BMS1: variants seen among roughly 807,000 people sequenced by gnomAD.
BMS1 encodes the protein ribosome biogenesis protein BMS1 homolog.
BMS1 carries 53 observed loss-of-function variants against 138.7 expected under a neutral mutation model. The ratio of observed to expected loss-of-function variants is 0.38; its 90% confidence interval spans 0.31 to 0.48. The LOEUF (loss-of-function observed/expected upper bound fraction) is 0.48, where lower values mean the gene tolerates loss of function less well. Among genes scored for constraint, BMS1 ranks in the 20% least tolerant of loss-of-function variants. The pLI, the probability that BMS1 is intolerant of heterozygous loss-of-function variation, is 0.97. For missense variants in BMS1, 1,360 were observed against 1,565.5 expected, an observed-to-expected ratio of 0.87 and a Z score of 2.22; for synonymous variants, 504 against 539.9, an observed-to-expected ratio of 0.93 and a Z score of 0.92.
chr10:42,824,210 C>G (rs1291265012), intron 21 of BMS1, among the ~76,000 whole-genome samples: 1 of 152,120 alleles, frequency 6.6e-6, no homozygotes, highest in Admixed American at 6.5e-5. Context: ...AACTATAGCC[C>G]TCATGATATA....
intron 9 of BMS1, 110 bp from the exon 10 acceptor site, chr10:42,796,364 A>C (rs577270290): frequency 1.6e-6 from 2 of 1,264,716 alleles, no homozygotes; most frequent in East Asian, 5.1e-5. Flanking sequence ...CATCTTAAAC[A>C]ATTCCTTGAC....
chr10:42,830,644 G>T (rs570201162), intron 22 of BMS1, among the ~76,000 whole-genome samples: 2 of 152,094 alleles, frequency 1.3e-5, no homozygotes, highest in Admixed American at 1.3e-4. Context: ...TTCTGTCTCG[G>T]TTAGCTGCAC....
At chr10:42,808,270 TTTTATTTATTTA>T (rs139357355) in intron 13 of BMS1, among the ~76,000 whole-genome samples, 1 of 147,690 alleles carries the variant, frequency 6.8e-6, no homozygotes, top group Admixed American at 6.7e-5. Context: ...AGTTTTTATT[TTTTATTTATTTA>T]TTTATTTATT....
chr10:42,788,412 T>A (rs1195870207), intron 4 of BMS1, among the ~76,000 whole-genome samples: 1 of 152,188 alleles, frequency 6.6e-6, no homozygotes, highest in Non-Finnish European at 1.5e-5. Context: ...ACATGTGGTA[T>A]TTTGACAGAA....
intron 12 of BMS1, among the ~76,000 whole-genome samples, chr10:42,799,917 A>AC (rs1383455297): frequency 6.6e-6 from 1 of 152,102 alleles, no homozygotes; most frequent in Middle Eastern, 3.2e-3. Context: ...TTCTTTGGTT[A>AC]CATTTTATTT....
At chr10:42,814,811 G>A (rs538838537) in intron 13 of BMS1, among the ~76,000 whole-genome samples, 49 of 152,308 alleles carry the variant, frequency 3.2e-4, no homozygotes, top group Non-Finnish European at 5.7e-4. Context: ...AGCTAGGTGG[G>A]TGGGGAGTGG....
chr10:42,810,210 T>C (rs1236761974), intron 13 of BMS1, among the ~76,000 whole-genome samples: 1 of 152,178 alleles, frequency 6.6e-6, no homozygotes, highest in Non-Finnish European at 1.5e-5. Flanking sequence ...GTTTTTTTGT[T>C]TTGTTTTTTC....
chr10:42,794,707 C>G (rs183641991), intron 9 of BMS1, among the ~76,000 whole-genome samples: 1 of 151,656 alleles, frequency 6.6e-6, no homozygotes, highest in South Asian at 2.1e-4. Context: ...AGAATACTCT[C>G]CTCTAATATA....
rs928161814 is a variant in BMS1 at position 42,796,990 on chromosome 10, C to T, written c.1746C>T (p.Cys582=). 6.2e-7 allele frequency: 1 copy of T among 1,614,186 alleles called. No individual in the cohort carries two copies. Among genetic ancestry groups the T allele is most frequent in the Non-Finnish European group, 8.5e-7 (1 of 1,180,036 alleles). Residue 582 remains cysteine (C), a synonymous_variant, in exon 10 of 23, where the codon TGC becomes TGT. Transcript: ENST00000374518. ...AALPTFDSGH[C]TAEEVFASED... ...TCCCCACTTTCGATTCTGGGCATTG[C>T]ACAGCTGAAGAGGTGTTTGCATCTG...
intron 13 of BMS1, among the ~76,000 whole-genome samples, chr10:42,807,885 G>A (rs1842057151): frequency 6.6e-6 from 1 of 152,092 alleles, no homozygotes; most frequent in African/African-American, 2.4e-5. Context: ...AGAGTAGTTG[G>A]GCCATTTGAT....
chr10:42,806,378 A>T (rs1448979520), intron 13 of BMS1, among the ~76,000 whole-genome samples: 1 of 152,180 alleles, frequency 6.6e-6, no homozygotes, highest in Non-Finnish European at 1.5e-5. Context: ...GACAGTGTGG[A>T]TTAGAAGTCA....
chr10:42,793,166 T>C (rs1200335910), intron 8 of BMS1, 22 bp downstream of exon 8: 2 of 1,569,596 alleles, frequency 1.3e-6, no homozygotes, highest in Non-Finnish European at 1.7e-6. Flanking sequence ...ACGGGAGTCA[T>C]TTCTCTGAAC....
chr10:42,820,080 C>T (rs1202962454), intron 15 of BMS1, 156 bp from the exon 16 acceptor site: 1 of 519,838 alleles, frequency 1.9e-6, no homozygotes, highest in African/African-American at 2.1e-5. Context: ...GCGTGAGCCA[C>T]TGTACCTGGC....
At chr10:42,798,695 T>C in intron 12 of BMS1, 70 bp downstream of exon 12, 1 of 1,574,262 alleles carries the variant, frequency 6.4e-7, no homozygotes. Context: ...TTATCTGATG[T>C]CAATATTGCT....
In BMS1 at chr10:42,833,818, A is replaced by T. The variant is rs1026409465; in HGVS notation, c.*2722A>T. On this transcript the variant is annotated 3_prime_UTR_variant, in exon 23 of 23. Coordinates refer to ENST00000374518, the MANE Select transcript of BMS1 (RefSeq NM_014753.4). ...GGCTTATTAATTTGATATTGTCAGC[A>T]AGTATGTTGCAAAAACAAATTCCAC... The T allele has an allele frequency of 1.3e-5, 2 of 152,222 alleles. No homozygotes were observed. The highest frequency in any genetic ancestry group is 2.9e-5 in the Non-Finnish European group (2 of 68,042). 9.4% of individuals were successfully genotyped at this position (152,222 alleles called of 1,614,324 possible). A position where few individuals can be genotyped will look rare whatever the true frequency, so the allele number is the denominator to read the frequency against.
rs1044440 is a variant in BMS1, at chr10:42,820,554, G to A, written c.2816G>A (p.Arg939Gln). The change falls in exon 17 of 23, where the codon CGA (arginine) becomes CAA (glutamine). Residue 939 changes from arginine (R) to glutamine (Q), a missense_variant. Arg to Gln is a conservative substitution (Grantham distance 43, BLOSUM62 1). Transcript: ENST00000374518. ...HRWYKKILKS[R>Q]DPIIFSVGWR... ...TGGTATAAGAAAATCCTCAAGTCCC[G>A]AGATCCAATCATATTTTCTGTAGGG... 1.1e-5 allele frequency: 18 copies of A among 1,611,404 alleles called. No individual in the cohort carries two copies. The highest frequency in any genetic ancestry group is 1.4e-5 in the Non-Finnish European group (17 of 1,179,704).
rs781319041 is a variant in BMS1 at position 42,792,443 on chromosome 10, A to G, written c.780-50A>G. On this transcript the variant is annotated intron_variant, in intron 6 of 22. Transcript: ENST00000374518. ...GAATCATTGACACATGAAAGGAGGT[A>G]TAGGAACTTTTGGCATTCATTTCTG... is the stretch of plus-strand genomic sequence containing the variant. 1.0e-5 allele frequency: 16 copies of G among 1,600,770 alleles called. No homozygotes were observed. In the Admixed American group the frequency reaches 2.0e-4, roughly 20 times the overall value.
chr10:42,814,297 A>C (rs1420491902), intron 13 of BMS1, among the ~76,000 whole-genome samples: 1 of 151,370 alleles, frequency 6.6e-6, no homozygotes, highest in Non-Finnish European at 1.5e-5. Flanking sequence ...TTTTCTCTCT[A>C]TTGTTTAGAC....
At chr10:42,800,893 G>C (rs1244212687) in intron 12 of BMS1, among the ~76,000 whole-genome samples, 1 of 152,152 alleles carries the variant, frequency 6.6e-6, no homozygotes, top group East Asian at 1.9e-4. Context: ...AAGTTTCACT[G>C]TGATGTCATG....
Sources: gnomAD v4.1 joint callset for allele counts (sites outside exome capture counted in the v4.1 genomes callset) on GRCh38, gnomAD v4.1.1 for gene constraint, MANE v1.5 for transcripts, NCBI Gene and HGNC (gene_info 2026-07-23, HGNC 2026-07-21) for gene names.